The following TIGD7 variants were observed in gnomAD, a reference collection of about 807,000 sequenced individuals.
TIGD7 encodes the protein tigger transposable element-derived protein 7.
TIGD7 carries 26 observed loss-of-function variants against 24.8 expected under a neutral mutation model. That is an observed-to-expected ratio of 1.05 (90% CI 0.77 to 1.45). The LOEUF (loss-of-function observed/expected upper bound fraction) is 1.45, where lower values mean the gene tolerates loss of function less well. TIGD7 is among the 40% of genes most tolerant of loss of function. TIGD7 has a pLI of 0.00. For missense variants in TIGD7, 679 were observed against 641.6 expected, an observed-to-expected ratio of 1.06 and a Z score of -0.63; for synonymous variants, 221 against 224.1, an observed-to-expected ratio of 0.99 and a Z score of 0.12.
rs1041890865 is a variant in TIGD7 at position 3,300,731 on chromosome 16, T to G, written c.-117A>C. On this transcript the variant is annotated 5_prime_UTR_variant, in exon 2 of 2. The change abolishes an upstream ATG in the 5' untranslated region. Coordinates refer to ENST00000396862, the MANE Select transcript of TIGD7 (RefSeq NM_033208.4). ...ACTTAGCTGAAAGCCCCAGAAGGCA[T>G]GGGCATTGTATTGGAGGATAATGGA... 6.9e-7 allele frequency: 1 copy of G among 1,455,516 alleles called. No individual in the cohort carries two copies. The highest frequency in any genetic ancestry group is 1.4e-5 in the African/African-American group (1 of 69,816). The allele number at this position is 1,455,516 out of a possible 1,614,324, so 90.2% of individuals were successfully genotyped here. A position where few individuals can be genotyped will look rare whatever the true frequency, so the allele number is the denominator to read the frequency against.
Position 3,300,276 on chromosome 16 carries a change from A to G in TIGD7, c.339T>C (p.Cys113=), listed in dbSNP as rs1026310230. Residue 113 remains cysteine, a synonymous_variant, in exon 2 of 2, where the codon TGT becomes TGC. Transcript: ENST00000396862. Reference sequence around the variant, plus strand: ...TAGCTTTGAAATCTGTTCGCCCAAAACACCGTGCAAATCTCTCTGCAGCAG... The same window carrying G: ...TAGCTTTGAAATCTGTTCGCCCAAAGCACCGTGCAAATCTCTCTGCAGCAG... ...LQAAAERFAR[C]FGRTDFKAST... 14 of 1,614,062 alleles carry G rather than the reference A, an allele frequency of 8.7e-6. No homozygotes were observed. In the Admixed American group the frequency reaches 1.5e-4, roughly 17 times the overall value.
chr16:3,305,072 G>A (rs1462424118), intron 1 of TIGD7, 140 bp downstream of exon 1: 1 of 152,248 alleles, frequency 6.6e-6, no homozygotes. Context: ...CGCTGTTTCT[G>A]ACCTAGCGAG....
Position 3,299,348 on chromosome 16 carries a change from T to C in TIGD7, c.1267A>G (p.Ile423Val), listed in dbSNP as rs776004931. ...QGLEHGDYRE[I>V]LEKCGELETK... ...TCCAACTCCCCACATTTTTCAAGAA[T>C]TTCTCTATAATCCCCATGTTCTAAG... is the stretch of plus-strand genomic sequence containing the variant. The change falls in exon 2 of 2, where the codon ATT (isoleucine) becomes GTT (valine). Residue 423 changes from isoleucine to valine, a missense_variant. Physicochemically the swap from Ile to Val is conservative, Grantham distance 29 (BLOSUM62 3). Coordinates refer to ENST00000396862, the MANE Select transcript of TIGD7 (RefSeq NM_033208.4). The C allele has an allele frequency of 1.1e-5, 18 of 1,592,086 alleles. No homozygotes were observed. Among genetic ancestry groups the C allele is most frequent in the Non-Finnish European group, 1.5e-5 (17 of 1,171,200 alleles).
chr16:3,303,953 C>T (rs1960024510), intron 1 of TIGD7: 1 of 152,248 alleles, frequency 6.6e-6, no homozygotes, highest in Admixed American at 6.5e-5. Context: ...CTGCCTCAGC[C>T]TCCCGAGTAG....
Position 3,299,580 on chromosome 16 carries a change from C to A in TIGD7, c.1035G>T (p.Lys345Asn), listed in dbSNP as rs146656234. The change falls in exon 2 of 2, where the codon AAG (lysine) becomes AAT (asparagine). Residue 345 changes from lysine (K) to asparagine (N), a missense_variant. Coordinates refer to ENST00000396862, the MANE Select transcript of TIGD7 (RefSeq NM_033208.4). ...ATATTACAAGACTCTCTTCAAGTTGCTTCCATCTATACAGCCGTTTGCAGC... is the reference window on the plus strand; with the variant it reads ...ATATTACAAGACTCTCTTCAAGTTGATTCCATCTATACAGCCGTTTGCAGC... Reference protein sequence around the residue: ...ILSCKRLYRWKQLEESLVIFE... With the variant: ...ILSCKRLYRWNQLEESLVIFE... The A allele has an allele frequency of 6.5e-7, 1 of 1,540,616 alleles. No individual in the cohort carries two copies. The highest frequency in any genetic ancestry group is 2.3e-5 in the Admixed American group (1 of 44,098).
chr16:3,300,269 G>A lies in TIGD7; in HGVS notation c.346C>T (p.Arg116Ter), dbSNP rs377228209. Residue 116 changes from arginine (R) to a stop codon, truncating the protein, a stop_gained, in exon 2 of 2, where the codon CGA becomes TGA. Transcript: ENST00000396862. LOFTEE classifies it high-confidence loss of function. ...CCAGTGCTAGCTTTGAAATCTGTTC[G>A]CCCAAAACACCGTGCAAATCTCTCT... ...AAERFARCFG[R>*]TDFKASTGWL... 6.2e-6 allele frequency: 10 copies of A among 1,613,982 alleles called. No homozygotes were observed. Among genetic ancestry groups the A allele is most frequent in the African/African-American group, 1.3e-5 (1 of 74,884 alleles).
At position 3,300,645 on chromosome 16, in the gene TIGD7, G is replaced by A. The variant is rs1289655064; in HGVS notation, c.-31C>T. 5.9e-5 allele frequency: 89 copies of A among 1,501,954 alleles called. No homozygotes were observed. The highest frequency in any genetic ancestry group is 4.5e-4 in the East Asian group (19 of 42,394). The allele number at this position is 1,501,954 out of a possible 1,614,324, so 93.0% of individuals were successfully genotyped here. On this transcript the variant is annotated 5_prime_UTR_variant, in exon 2 of 2. Transcript: ENST00000396862. ...ATTTAACTCTGAACCACCAACAGGA[G>A]AAAACAAAGGGAAAAGCCTTAATGA... is the stretch of plus-strand genomic sequence containing the variant.
rs771058701 is a variant in TIGD7, at chr16:3,299,918, T to G, written c.697A>C (p.Lys233Gln). Reference sequence around the variant, plus strand: ...TCCTCTTTCACACTTTTGGGCAGTTTTGATTTTCCAATAATGATTGACTTT... The same window carrying G: ...TCCTCTTTCACACTTTTGGGCAGTTGTGATTTTCCAATAATGATTGACTTT... ...KLKSIIIGKS[K>Q]LPKSVKEDTS... Residue 233 changes from lysine to glutamine, a missense_variant, in exon 2 of 2, where the codon AAA becomes CAA. By Grantham distance (53) the Lys-to-Gln change is moderately conservative (BLOSUM62 1). Coordinates refer to ENST00000396862, the MANE Select transcript of TIGD7 (RefSeq NM_033208.4). 6.8e-6 allele frequency: 11 copies of G among 1,612,010 alleles called. No homozygotes were observed. The highest frequency in any genetic ancestry group is 1.3e-5 in the African/African-American group (1 of 74,738).
Position 3,298,924 on chromosome 16 carries a change from G to C in TIGD7, c.*41C>G. On this transcript the variant is annotated 3_prime_UTR_variant, in exon 2 of 2. Transcript: ENST00000396862. ...TGCTAAAACAAGACAATTCACAGCT[G>C]GCCTACATCATATAATGGCAGAAAT... 1 of 818,144 alleles carries C rather than the reference G, an allele frequency of 1.2e-6. No homozygotes were observed. The highest frequency in any genetic ancestry group is 1.7e-6 in the Non-Finnish European group (1 of 571,794). The allele number at this position is 818,144 out of a possible 1,614,324, so 50.7% of individuals were successfully genotyped here.
Position 3,300,370 on chromosome 16 carries a change from T to A in TIGD7, c.245A>T (p.Asp82Val). 2 of 1,614,210 alleles carry A rather than the reference T, an allele frequency of 1.2e-6. No homozygotes were observed. The highest frequency in any genetic ancestry group is 1.7e-6 in the Non-Finnish European group (2 of 1,180,008). ...TTGAKYGDVD[D>V]AVYMWYQQKR... ...CTGTTGGTACCACATGTAGACCGCA[T>A]CATCTACATCACCATATTTGGCTCC... The change falls in exon 2 of 2, where the codon GAT becomes GTT. Residue 82 changes from aspartate to valine, a missense_variant. By Grantham distance (152) the Asp-to-Val change is radical. Coordinates refer to ENST00000396862, the MANE Select transcript of TIGD7 (RefSeq NM_033208.4).
Position 3,300,713 on chromosome 16 carries a change from T to G in TIGD7, c.-99A>C. The G allele has an allele frequency of 3.4e-6, 5 of 1,480,066 alleles. No homozygotes were observed. The highest frequency in any genetic ancestry group is 4.5e-6 in the Non-Finnish European group (5 of 1,118,548). The allele number at this position is 1,480,066 out of a possible 1,614,324, so 91.7% of individuals were successfully genotyped here. A position where few individuals can be genotyped will look rare whatever the true frequency, so the allele number is the denominator to read the frequency against. ...CCACATTTTTTAAACAAAACTTAGC[T>G]GAAAGCCCCAGAAGGCATGGGCATT... On this transcript the variant is annotated 5_prime_UTR_variant, in exon 2 of 2. Coordinates refer to ENST00000396862, the MANE Select transcript of TIGD7 (RefSeq NM_033208.4).
intron 1 of TIGD7, among the ~76,000 whole-genome samples, chr16:3,304,082 CG>C (rs2150782307): frequency 6.6e-6 from 1 of 152,172 alleles, no homozygotes; most frequent in Admixed American, 6.5e-5. Context: ...ATGATCCGCC[CG>C]CCTCGGCCTC....
intron 1 of TIGD7, 149 bp from the exon 2 acceptor site, chr16:3,302,158 T>G (rs1038691424): frequency 1.3e-5 from 2 of 152,132 alleles, no homozygotes; most frequent in African/African-American, 4.8e-5. Flanking sequence ...GACAGAGTCT[T>G]GCTCTGTCAC....
Position 3,299,200 on chromosome 16 carries a change from G to C in TIGD7, c.1415C>G (p.Thr472Ser), listed in dbSNP as rs749494259. ...TACAGCAGATAATTTAAATTCAGCA[G>C]TCTGCTTCTCAGCTTCTCCTCCTTT... is the stretch of plus-strand genomic sequence containing the variant. ...VQKGGEAEKQTAEFKLSAVRE... is the reference protein window; with the variant it reads ...VQKGGEAEKQSAEFKLSAVRE... Residue 472 changes from threonine (T) to serine (S), a missense_variant, in exon 2 of 2, where the codon ACT (threonine) becomes AGT (serine). By Grantham distance (58) the Thr-to-Ser change is moderately conservative (BLOSUM62 1). Transcript: ENST00000396862. The C allele has an allele frequency of 2.2e-5, 36 of 1,601,356 alleles. No homozygotes were observed. Among genetic ancestry groups the C allele is most frequent in the Non-Finnish European group, 2.6e-5 (31 of 1,175,896 alleles).
In TIGD7 at chr16:3,299,936, T is replaced by C. The variant is rs367874870; in HGVS notation, c.679A>G (p.Ile227Val). ...GGCAGTTTTGATTTTCCAATAATGA[T>C]TGACTTTAATTTATGAGTTCCGTCT... ...NADGTHKLKS[I>V]IIGKSKLPKS... Residue 227 changes from isoleucine (I) to valine (V), a missense_variant, in exon 2 of 2, where the codon ATC becomes GTC. By Grantham distance (29) the Ile-to-Val change is conservative. Transcript: ENST00000396862. 1.2e-5 allele frequency: 20 copies of C among 1,612,764 alleles called. No homozygotes were observed. The highest frequency in any genetic ancestry group is 4.0e-5 in the African/African-American group (3 of 74,780).
chr16:3,304,519 T>C (rs1448422008), intron 1 of TIGD7, among the ~76,000 whole-genome samples: 1 of 152,348 alleles, frequency 6.6e-6, no homozygotes, highest in Admixed American at 6.5e-5. Flanking sequence ...GACAAAGACT[T>C]CTTACTCAAC....
chr16:3,304,575 G>A (rs925807211), intron 1 of TIGD7, among the ~76,000 whole-genome samples: 28 of 152,330 alleles, frequency 1.8e-4, no homozygotes, highest in Non-Finnish European at 2.8e-4. Context: ...ATAGTCCCTT[G>A]ACTGGTATAA....
intron 1 of TIGD7, among the ~76,000 whole-genome samples, chr16:3,303,487 C>G (rs1959997527): frequency 6.6e-6 from 1 of 152,200 alleles, no homozygotes; most frequent in African/African-American, 2.4e-5. Flanking sequence ...GCTGATGGCG[C>G]TACTGTCCAC....
chr16:3,300,437 C>T lies in TIGD7; in HGVS notation c.178G>A (p.Asp60Asn), dbSNP rs748302335. 59 of 1,614,066 alleles carry T rather than the reference C, an allele frequency of 3.7e-5. No homozygotes were observed. The highest frequency in any genetic ancestry group is 4.7e-5 in the Non-Finnish European group (56 of 1,180,048). ...KLILDFVLKQ[D>N]MPLVGAEKRK... The stretch of plus-strand genomic sequence containing the variant: ...TTCTCAGCCCCTACTAATGGCATGT[C>T]CTGCTTCAGTACAAAGTCCAGAATT... The change falls in exon 2 of 2, where the codon GAC (aspartate) becomes AAC (asparagine). Residue 60 changes from aspartate to asparagine, a missense_variant. Transcript: ENST00000396862.
Sources: gnomAD v4.1 joint callset for allele counts (sites outside exome capture counted in the v4.1 genomes callset) on GRCh38, gnomAD v4.1.1 for gene constraint, MANE v1.5 for transcripts, NCBI Gene and HGNC (gene_info 2026-07-23, HGNC 2026-07-21) for gene names.